Variants in WDR27 observed in about 807,000 individuals in gnomAD.
WDR27 encodes the protein WD repeat domain 27.
A neutral mutation model predicts 114.4 loss-of-function variants in WDR27; 100 were observed. The ratio of observed to expected loss-of-function variants is 0.87; its 90% CI spans 0.74 to 1.03. WDR27 has a LOEUF of 1.03. Among genes scored for constraint, WDR27 ranks in the 50% least tolerant of loss-of-function variants. The pLI, the probability that WDR27 is intolerant of heterozygous loss-of-function variation, is 0.00. For missense variants in WDR27, 1,129 were observed against 1,092.9 expected, an observed-to-expected ratio of 1.03 and a Z score of -0.47; for synonymous variants, 449 against 423.1, an observed-to-expected ratio of 1.06 and a Z score of -0.75.
chr6:169,614,750 T>C (rs2128188313), intron 21 of WDR27, among the ~76,000 whole-genome samples: 1 of 151,866 alleles, frequency 6.6e-6, no homozygotes, highest in African/African-American at 2.4e-5. Context: ...TGTTTTAAAA[T>C]AATAATAATT....
intron 25 of WDR27, among the ~76,000 whole-genome samples, chr6:169,482,337 T>C (rs570765538): frequency 1.3e-5 from 2 of 152,392 alleles, no homozygotes; most frequent in Non-Finnish European, 2.9e-5. Flanking sequence ...CTAGGTTGAA[T>C]GGTAATTCCC....
chr6:169,615,542 C>T (rs1184736054), intron 21 of WDR27, among the ~76,000 whole-genome samples: 5 of 152,132 alleles, frequency 3.3e-5, no homozygotes, highest in African/African-American at 7.2e-5. Flanking sequence ...GGAAAGGGCT[C>T]CCTATTCAAT....
chr6:169,599,481 A>T (rs1266441210), intron 23 of WDR27, among the ~76,000 whole-genome samples: 1 of 152,162 alleles, frequency 6.6e-6, no homozygotes, highest in East Asian at 1.9e-4. Flanking sequence ...TTCCTGGTTT[A>T]GTCTTGGGAG....
intron 2 of WDR27, among the ~76,000 whole-genome samples, chr6:169,677,179 G>C (rs1237593705): frequency 6.6e-6 from 1 of 152,222 alleles, no homozygotes; most frequent in African/African-American, 2.4e-5. Context: ...GAACTTCTTA[G>C]ATACCAGTTA....
chr6:169,546,383 C>T (rs73792930), intron 25 of WDR27, among the ~76,000 whole-genome samples: 2,464 of 152,300 alleles, frequency 0.016, 63 homozygotes, highest in African/African-American at 0.057. Flanking sequence ...TGGGCTCCAG[C>T]TCCCACAGGA....
At chr6:169,520,001 C>T (rs932404004) in intron 25 of WDR27, among the ~76,000 whole-genome samples, 14 of 152,090 alleles carry the variant, frequency 9.2e-5, no homozygotes, top group Admixed American at 6.5e-4. Context: ...GACAGGAGAC[C>T]TCTCCCTCCC....
rs1476481540 is a variant in WDR27, at chr6:169,457,541, T to C, written c.*51A>G. ...TGAACCACTACTTCTTACTTTTAAG[T>C]TGTTCCTCACAGCATTCCTGGACCC... On this transcript the variant is annotated 3_prime_UTR_variant, in exon 26 of 26. Transcript: ENST00000448612. 1 of 1,491,892 alleles carries C rather than the reference T, an allele frequency of 6.7e-7. No individual in the cohort carries two copies. Among genetic ancestry groups the C allele is most frequent in the Non-Finnish European group, 9.0e-7 (1 of 1,109,780 alleles). The allele number at this position is 1,491,892 out of a possible 1,614,324, so 92.4% of individuals were successfully genotyped here. A position where few individuals can be genotyped will look rare whatever the true frequency, so the allele number is the denominator to read the frequency against.
At position 169,659,564 on chromosome 6, in the gene WDR27, A is replaced by G; in HGVS notation, c.1130-46T>C. ...GGAAGAACATGATGGGGAGGGAGGT[A>G]GCACATACACACGGAGTCACTGCCC... On this transcript the variant is annotated intron_variant, in intron 10 of 25. Transcript: ENST00000448612. This position sits in a 1 kb window ranked among gnomAD's most constrained non-coding sequence, Gnocchi z 4.3. The G allele has an allele frequency of 2.6e-6, 4 of 1,563,176 alleles. No individual in the cohort carries two copies. The South Asian group carries it at 4.7e-5, about 18-fold the overall frequency.
At chr6:169,636,571 A>T (rs949028825) in intron 18 of WDR27, 67 bp from the exon 19 acceptor site, 1 of 1,455,408 alleles carries the variant, frequency 6.9e-7, no homozygotes, top group Middle Eastern at 1.9e-4. Context: ...TGCTCTAAAC[A>T]TAAAATTATT....
chr6:169,549,644 G>C (rs1424568988), intron 25 of WDR27, among the ~76,000 whole-genome samples: 2 of 152,220 alleles, frequency 1.3e-5, no homozygotes, highest in Non-Finnish European at 2.9e-5. Flanking sequence ...TAGGTGAACT[G>C]ATAAATAAAA....
chr6:169,624,909 C>T (rs1237077594), intron 21 of WDR27, among the ~76,000 whole-genome samples: 1 of 152,220 alleles, frequency 6.6e-6, no homozygotes, highest in Non-Finnish European at 1.5e-5. Context: ...ATGGAGAGTA[C>T]AAGAGCAGCC....
At chr6:169,432,198 A>C in the WDR27 span, among the ~76,000 whole-genome samples, 1 of 152,246 alleles carries the variant, frequency 6.6e-6, no homozygotes, top group Non-Finnish European at 1.5e-5. Flanking sequence ...CACTAGAAAG[A>C]CAATCGTTTT....
At chr6:169,646,785 G>A (rs889531555) in intron 16 of WDR27, among the ~76,000 whole-genome samples, 2 of 151,260 alleles carry the variant, frequency 1.3e-5, no homozygotes, top group Non-Finnish European at 3.0e-5. Context: ...AATGATAGAT[G>A]TCACCCACAA....
At chr6:169,452,375 T>C (rs1025598930), downstream of WDR27, among the ~76,000 whole-genome samples, 1 of 152,238 alleles carries the variant, frequency 6.6e-6, no homozygotes, top group Non-Finnish European at 1.5e-5. Flanking sequence ...TAAATGGCTG[T>C]AGATTACTGA....
chr6:169,649,383 T>G, intron 14 of WDR27, 108 bp from the exon 15 acceptor site: 13 of 917,804 alleles, frequency 1.4e-5, no homozygotes, highest in Non-Finnish European at 2.0e-5. Context: ...TATAGACGTC[T>G]GCATAAATGC....
chr6:169,649,940 C>T (rs9478085), intron 14 of WDR27, among the ~76,000 whole-genome samples: 18,700 of 145,262 alleles, frequency 0.13, 1,358 homozygotes, highest in African/African-American at 0.17. Flanking sequence ...CCCTCACCTC[C>T]GCATCCCTCC....
rs149235902 is a variant in WDR27, at chr6:169,612,527, C to A, written c.2321+1032G>T. Among the ~76,000 whole-genome samples, 113 of 147,136 alleles carry A rather than the reference C, an allele frequency of 7.7e-4. 2 individuals carry two copies. Among genetic ancestry groups the A allele is most frequent in the East Asian group, 6.5e-3 (32 of 4,896 alleles). Reference sequence around the variant, plus strand: ...CTCACGAGGCTGAGGCAAGACAATCCCTTGAGCTCAGGGGTGGGGTGGTGG... The same window carrying A: ...CTCACGAGGCTGAGGCAAGACAATCACTTGAGCTCAGGGGTGGGGTGGTGG... On this transcript the variant is annotated intron_variant, in intron 22 of 25. Transcript: ENST00000448612.
At chr6:169,654,999 C>T (rs970704023) in intron 13 of WDR27, among the ~76,000 whole-genome samples, 3 of 152,214 alleles carry the variant, frequency 2.0e-5, no homozygotes, top group African/African-American at 2.4e-5. Flanking sequence ...GTCTCTTACT[C>T]GGGTTTTCCC....
chr6:169,540,026 G>A, intron 25 of WDR27, among the ~76,000 whole-genome samples: 1 of 152,178 alleles, frequency 6.6e-6, no homozygotes, highest in East Asian at 1.9e-4. Context: ...TAACATTTAG[G>A]TGGTTTTCTA....
Sources: allele counts gnomAD v4.1 joint callset (sites outside exome capture counted in the v4.1 genomes callset), GRCh38; gene constraint gnomAD v4.1.1; non-coding constraint Gnocchi (gnomAD v3.1); transcripts MANE v1.5; gene names NCBI Gene and HGNC (gene_info 2026-07-23, HGNC 2026-07-21).